The following SHTN1 variants were observed in gnomAD, a reference collection of about 807,000 sequenced individuals.
SHTN1 encodes shootin 1.
In SHTN1, 42 loss-of-function variants were observed where a neutral mutation model predicts 83.1. The ratio of observed to expected loss-of-function variants is 0.51; its 90% CI spans 0.39 to 0.65. The LOEUF is 0.65. Ranked by LOEUF, SHTN1 falls within the 30% of genes least tolerant of loss-of-function variation. SHTN1 has a pLI of 0.00. For missense variants in SHTN1, 622 were observed against 737.8 expected (o/e 0.84, Z 1.82); for synonymous variants, 224 against 247.7 (o/e 0.90, Z 0.90).
At chr10:117,071,080 A>G (rs1853075200) in intron 1 of SHTN1, among the ~76,000 whole-genome samples, 1 of 152,160 alleles carries the variant, frequency 6.6e-6, no homozygotes, top group Non-Finnish European at 1.5e-5. Context: ...CTTTAACAAT[A>G]AAGCAGCAAT....
intron 1 of SHTN1, among the ~76,000 whole-genome samples, chr10:117,093,676 G>A (rs939255911): frequency 6.6e-6 from 1 of 152,184 alleles, no homozygotes; most frequent in East Asian, 1.9e-4. Context: ...TTAGTCATAA[G>A]CTGTACTGTA....
intron 1 of SHTN1, among the ~76,000 whole-genome samples, chr10:117,117,785 C>G (rs1853869487): frequency 6.6e-6 from 1 of 152,106 alleles, no homozygotes; most frequent in Non-Finnish European, 1.5e-5. Flanking sequence ...AGAACATACA[C>G]TGAAGAAAGG....
chr10:117,064,915 C>T (rs1478792249), intron 1 of SHTN1, among the ~76,000 whole-genome samples: 2 of 152,142 alleles, frequency 1.3e-5, no homozygotes, highest in East Asian at 1.9e-4. Flanking sequence ...AGGTTTCTTT[C>T]GGGAGGCTCT....
At chr10:116,950,113 A>C (rs375456213) in intron 6 of SHTN1, among the ~76,000 whole-genome samples, 1 of 152,208 alleles carries the variant, frequency 6.6e-6, no homozygotes, top group East Asian at 1.9e-4. Flanking sequence ...GGCTTTCATC[A>C]CCATGCTAAT....
chr10:117,025,080 C>T (rs1044315815), intron 2 of SHTN1, among the ~76,000 whole-genome samples: 2 of 152,122 alleles, frequency 1.3e-5, no homozygotes, highest in Non-Finnish European at 2.9e-5. Context: ...ACTATCTACA[C>T]ACAAAAACAC....
intron 2 of SHTN1, among the ~76,000 whole-genome samples, chr10:117,014,090 G>A (rs1167117750): frequency 1.3e-5 from 2 of 151,974 alleles, no homozygotes; most frequent in Non-Finnish European, 2.9e-5. Flanking sequence ...ATCATGAAAA[G>A]GCAAAACTAT....
chr10:117,038,186 G>A lies in SHTN1; in HGVS notation c.-123+10259C>T, dbSNP rs568967333. On this transcript the variant is annotated intron_variant, in intron 2 of 17. Transcript: ENST00000392901. The stretch of plus-strand genomic sequence containing the variant: ...GACAGGGTCATGCTCTGTCACCCAG[G>A]ATGGCATGCAGTGGCATGATCATAG... Among the ~76,000 whole-genome samples, 10 of 151,982 alleles carry A rather than the reference G, an allele frequency of 6.6e-5. No homozygotes were observed. The East Asian group carries it at 1.4e-3, about 21-fold the overall frequency.
intron 1 of SHTN1, among the ~76,000 whole-genome samples, chr10:117,087,261 T>G (rs978317073): frequency 1.3e-5 from 2 of 152,218 alleles, no homozygotes; most frequent in East Asian, 1.9e-4. Flanking sequence ...TTAAAAATGG[T>G]TGAAATGGTT....
At chr10:116,922,231 A>G (rs2133365813) in intron 11 of SHTN1, among the ~76,000 whole-genome samples, 2 of 152,296 alleles carry the variant, frequency 1.3e-5, no homozygotes. Flanking sequence ...ACTTGACTTC[A>G]TTAGCTATTA....
intron 2 of SHTN1, among the ~76,000 whole-genome samples, chr10:117,031,278 A>T (rs751179736): frequency 5.9e-5 from 9 of 152,190 alleles, no homozygotes; most frequent in African/African-American, 1.9e-4. Context: ...AATGTGATGG[A>T]CAAATAAGCT....
chr10:117,053,648 T>C (rs1211659737), intron 1 of SHTN1, among the ~76,000 whole-genome samples: 1 of 152,198 alleles, frequency 6.6e-6, no homozygotes, highest in Non-Finnish European at 1.5e-5. Context: ...CCCTCACGCA[T>C]TGCTAGTGAG....
chr10:117,121,304 G>A (rs552392341), intron 1 of SHTN1, among the ~76,000 whole-genome samples: 12 of 152,256 alleles, frequency 7.9e-5, no homozygotes, highest in South Asian at 2.1e-4. Context: ...TGGGCCAGGC[G>A]TGGTGGCTTA....
At chr10:117,032,393 C>T (rs879751811) in intron 2 of SHTN1, among the ~76,000 whole-genome samples, 11 of 152,056 alleles carry the variant, frequency 7.2e-5, no homozygotes, top group South Asian at 6.2e-4. Context: ...TTAGTAGAGA[C>T]GGGGGTTTCA....
intron 1 of SHTN1, among the ~76,000 whole-genome samples, chr10:117,112,979 A>G (rs984056899): frequency 6.6e-6 from 1 of 152,086 alleles, no homozygotes; most frequent in Admixed American, 6.5e-5. Context: ...TTTTCATTCA[A>G]ATAAAGAGGT....
At chr10:117,030,733 T>C (rs1852403070) in intron 2 of SHTN1, among the ~76,000 whole-genome samples, 1 of 151,966 alleles carries the variant, frequency 6.6e-6, no homozygotes, top group Non-Finnish European at 1.5e-5. Context: ...TGCATCAGTC[T>C]TTTAGTAGCA....
At chr10:117,045,652 C>T (rs768995435) in intron 2 of SHTN1, among the ~76,000 whole-genome samples, 15 of 152,150 alleles carry the variant, frequency 9.9e-5, no homozygotes, top group Non-Finnish European at 1.9e-4. Context: ...GTCAGATTAA[C>T]CTCATGCCAA....
chr10:117,071,664 T>A (rs1853082319), intron 1 of SHTN1, among the ~76,000 whole-genome samples: 1 of 152,174 alleles, frequency 6.6e-6, no homozygotes, highest in East Asian at 1.9e-4. Context: ...GGGCCTCAAA[T>A]CACATAATTT....
chr10:116,885,620 G>A lies in SHTN1; in HGVS notation c.*724C>T, dbSNP rs1346987259. 1 of 152,420 alleles carries A rather than the reference G, an allele frequency of 6.6e-6. No homozygotes were observed. Among genetic ancestry groups the A allele is most frequent in the African/African-American group, 2.4e-5 (1 of 41,428 alleles). 9.4% of individuals were successfully genotyped at this position (152,420 alleles called of 1,614,324 possible). A position where few individuals can be genotyped will look rare whatever the true frequency, so the allele number is the denominator to read the frequency against. ...AATTAACTCATAGCACAGAGCACAT[G>A]GTTTACCAACTTACTACTGTAAAAT... On this transcript the variant is annotated 3_prime_UTR_variant, in exon 17 of 17. Transcript: ENST00000355371.
At chr10:117,018,990 A>C (rs545401264) in intron 2 of SHTN1, among the ~76,000 whole-genome samples, 5 of 152,308 alleles carry the variant, frequency 3.3e-5, no homozygotes, top group African/African-American at 1.2e-4. Context: ...TCCACAAGTG[A>C]CATAATTATA....
Sources: gnomAD v4.1 joint callset for allele counts (sites outside exome capture counted in the v4.1 genomes callset) on GRCh38, gnomAD v4.1.1 for gene constraint, MANE v1.5 for transcripts, NCBI Gene and HGNC (gene_info 2026-07-23, HGNC 2026-07-21) for gene names.